ABCB1: variants seen among roughly 807,000 people sequenced by gnomAD.
The protein encoded by ABCB1 is ATP binding cassette subfamily B member 1, also known as ATP-dependent translocase ABCB1.
ABCB1 carries 69 observed loss-of-function variants against 142.0 expected under a neutral mutation model. That is an observed-to-expected ratio of 0.49 (90% CI 0.40 to 0.59). The LOEUF (loss-of-function observed/expected upper bound fraction) is 0.59, where lower values mean the gene tolerates loss of function less well. Ranked by LOEUF, ABCB1 falls within the 20% of genes least tolerant of loss-of-function variation. ABCB1 has a pLI of 0.00. For synonymous variants in ABCB1, 532 were observed against 539.2 expected (o/e 0.99, Z 0.18); for missense variants, 1,326 against 1,554.7 (o/e 0.85, Z 2.47).
intron 7 of ABCB1, chr7:87,564,254 AC>A (rs1311500989): frequency 9.3e-5 from 33 of 356,654 alleles, no homozygotes; most frequent in Middle Eastern, 3.7e-4. Context: ...GTATTGGTCT[AC>A]TTTTGTGAGC....
At chr7:87,565,764 GTTTTGT>G (rs1274865636) in intron 7 of ABCB1, among the ~76,000 whole-genome samples, 4 of 148,320 alleles carry the variant, frequency 2.7e-5, no homozygotes, top group African/African-American at 7.5e-5. Context: ...TTTTTTTTTT[GTTTTGT>G]TTTTGTTTTT....
intron 1 of ABCB1, among the ~76,000 whole-genome samples, chr7:87,690,643 T>G (rs1827923921): frequency 6.6e-6 from 1 of 152,140 alleles, no homozygotes; most frequent in African/African-American, 2.4e-5. Flanking sequence ...CATTTTTATC[T>G]GTTGCTTCGC....
At chr7:87,680,525 GC>G (rs1404242007) in intron 1 of ABCB1, among the ~76,000 whole-genome samples, 7 of 150,878 alleles carry the variant, frequency 4.6e-5, no homozygotes, top group Non-Finnish European at 7.4e-5. Flanking sequence ...GGGCCCGGTG[GC>G]TCACGCCTGT....
chr7:87,583,837 C>A (rs1471712917), intron 4 of ABCB1, among the ~76,000 whole-genome samples: 2 of 152,094 alleles, frequency 1.3e-5, no homozygotes, highest in Non-Finnish European at 2.9e-5. Flanking sequence ...AAAAAGTGAG[C>A]AAGATCTGGA....
At chr7:87,537,291 G>A (rs1816341336) in intron 19 of ABCB1, among the ~76,000 whole-genome samples, 1 of 152,220 alleles carries the variant, frequency 6.6e-6, no homozygotes, top group Non-Finnish European at 1.5e-5. Context: ...TGGTCTTACA[G>A]GCGACTGTCA....
intron 25 of ABCB1, among the ~76,000 whole-genome samples, chr7:87,512,723 TA>T (rs765057836): frequency 1.9e-4 from 29 of 152,340 alleles, no homozygotes; most frequent in Admixed American, 7.8e-4. Context: ...TACTAGAGTT[TA>T]TTGTGGACAC....
At chr7:87,598,271 G>A (rs1819293255) in intron 2 of ABCB1, among the ~76,000 whole-genome samples, 1 of 151,724 alleles carries the variant, frequency 6.6e-6, no homozygotes, top group Non-Finnish European at 1.5e-5. Flanking sequence ...TACAAATGTG[G>A]CTCACATGAT....
intron 6 of ABCB1, 29 bp downstream of exon 6, chr7:87,566,756 C>A: frequency 6.2e-7 from 1 of 1,608,788 alleles, no homozygotes; most frequent in East Asian, 2.2e-5. Flanking sequence ...AGAACGACAC[C>A]CAAGTTCAAC....
intron 8 of ABCB1, among the ~76,000 whole-genome samples, chr7:87,555,003 C>T (rs1817247917): frequency 6.6e-6 from 1 of 152,172 alleles, no homozygotes; most frequent in Non-Finnish European, 1.5e-5. Context: ...AGGTTATTCC[C>T]AACTGATAAT....
At chr7:87,572,180 T>TAAGAG (rs201620488) in intron 4 of ABCB1, among the ~76,000 whole-genome samples, 1 of 152,020 alleles carries the variant, frequency 6.6e-6, no homozygotes, top group African/African-American at 2.4e-5. Context: ...CTTCTGTATT[T>TAAGAG]ACCAGGAAAT....
intron 1 of ABCB1, among the ~76,000 whole-genome samples, chr7:87,700,828 C>G (rs986986810): frequency 6.6e-6 from 1 of 152,124 alleles, no homozygotes; most frequent in Non-Finnish European, 1.5e-5. Flanking sequence ...TGTTATTTGC[C>G]TTTTCGCTGT....
rs1815394088 is a variant in ABCB1, at chr7:87,519,445, G to C, written c.2808C>G (p.His936Gln). 6.2e-7 allele frequency: 1 copy of C among 1,614,034 alleles called. No homozygotes were observed. The highest frequency in any genetic ancestry group is 8.5e-7 in the Non-Finnish European group (1 of 1,179,906). Residue 936 changes from histidine to glutamine, a missense_variant, in exon 23 of 28, where the codon CAC becomes CAG. Transcript: ENST00000622132. The part of the protein sequence containing the change: ...VPYRNSLRKA[H>Q]IFGITFSFTQ... ...TGAAGGAAAATGTAATTCCAAAGAT[G>C]TGTGCTTTCCTCAAAGAGTTTCTGA... is the stretch of plus-strand genomic sequence containing the variant.
chr7:87,644,878 A>G (rs183417352), intron 1 of ABCB1, among the ~76,000 whole-genome samples: 1 of 152,096 alleles, frequency 6.6e-6, no homozygotes, highest in East Asian at 1.9e-4. Context: ...TTGTCCTCAC[A>G]TTTAAAATTT....
At chr7:87,677,675 GAACAAAACAAAAAACCC>G in intron 1 of ABCB1, among the ~76,000 whole-genome samples, 1 of 151,896 alleles carries the variant, frequency 6.6e-6, no homozygotes, top group African/African-American at 2.4e-5. Flanking sequence ...ATCCAAAACA[GAACAAAACAAAAAACCC>G]AACAAAACCT....
At chr7:87,649,667 A>G (rs1823377673) in intron 1 of ABCB1, among the ~76,000 whole-genome samples, 2 of 152,180 alleles carry the variant, frequency 1.3e-5, no homozygotes, top group Non-Finnish European at 2.9e-5. Flanking sequence ...TTTGCTATTT[A>G]TAAGCTCATA....
intron 1 of ABCB1, among the ~76,000 whole-genome samples, chr7:87,698,336 C>T (rs992422725): frequency 6.6e-6 from 1 of 152,130 alleles, no homozygotes; most frequent in Non-Finnish European, 1.5e-5. Context: ...CCACATGATC[C>T]TCCCACCTCG....
At chr7:87,592,563 A>G (rs945956461) in intron 3 of ABCB1, among the ~76,000 whole-genome samples, 2 of 152,222 alleles carry the variant, frequency 1.3e-5, no homozygotes, top group Non-Finnish European at 2.9e-5. Context: ...TTCCAGAGAG[A>G]TAACAGTTTA....
In ABCB1 at chr7:87,519,379, C is replaced by T. The variant is rs1318598922; in HGVS notation, c.2874G>A (p.Arg958=). 7 of 1,614,010 alleles carry T rather than the reference C, an allele frequency of 4.3e-6. No homozygotes were observed. The highest frequency in any genetic ancestry group is 4.0e-5 in the African/African-American group (3 of 74,922). ...TATGTGCCACCAAGTAGGCTCCAAA[C>T]CGGAAACATCCAGCATAGGAAAAAT... ...MMYFSYAGCF[R]FGAYLVAHKL... is the part of the protein sequence containing the mutation. Residue 958 remains arginine (R), a synonymous_variant, in exon 23 of 28, where the codon CGG becomes CGA. Transcript: ENST00000622132.
At chr7:87,681,186 G>A (rs1826895265) in intron 1 of ABCB1, among the ~76,000 whole-genome samples, 2 of 150,560 alleles carry the variant, frequency 1.3e-5, no homozygotes, top group African/African-American at 4.9e-5. Flanking sequence ...AGTTGAATCA[G>A]TATTTAAAAC....
Sources: gnomAD v4.1 joint callset for allele counts (sites outside exome capture counted in the v4.1 genomes callset) on GRCh38, gnomAD v4.1.1 for gene constraint, MANE v1.5 for transcripts, NCBI Gene and HGNC (gene_info 2026-07-23, HGNC 2026-07-21) for gene names.